Variants in DROSHA observed in about 807,000 individuals in gnomAD.
DROSHA encodes drosha ribonuclease III.
DROSHA carries 56 observed loss-of-function variants against 181.9 expected under a neutral mutation model. That is an observed-to-expected ratio of 0.31 (90% CI 0.25 to 0.38). The LOEUF (loss-of-function observed/expected upper bound fraction) is 0.38, where lower values mean the gene tolerates loss of function less well. Among genes scored for constraint, DROSHA ranks in the 10% least tolerant of loss-of-function variants. The pLI is 1.00. For missense variants in DROSHA, 1,218 were observed against 1,743.5 expected (o/e 0.70, Z 5.37); for synonymous variants, 524 against 591.2 (o/e 0.89, Z 1.65).
At chr5:31,466,647 C>T (rs1580192614) in intron 18 of DROSHA, among the ~76,000 whole-genome samples, 1 of 152,136 alleles carries the variant, frequency 6.6e-6, no homozygotes, top group Non-Finnish European at 1.5e-5. Flanking sequence ...TATACACTTT[C>T]TGATATTTGT....
chr5:31,501,818 C>T (rs1390108715), intron 11 of DROSHA, among the ~76,000 whole-genome samples: 2 of 152,172 alleles, frequency 1.3e-5, no homozygotes, highest in Admixed American at 6.5e-5. Context: ...GTGCTCCCAC[C>T]CACTCATAAT....
At chr5:31,489,946 T>C (rs1216869881) in intron 13 of DROSHA, among the ~76,000 whole-genome samples, 2 of 152,122 alleles carry the variant, frequency 1.3e-5, no homozygotes, top group Non-Finnish European at 2.9e-5. Context: ...TGACGCGATC[T>C]TGACTCACTG....
At position 31,456,722 on chromosome 5, in the gene DROSHA, C is replaced by G. The variant is rs141106788; in HGVS notation, c.2575-5082G>C. Among the ~76,000 whole-genome samples the G allele has an allele frequency of 7.3e-3, 1,112 of 152,188 alleles. 11 individuals are homozygous for G. Among genetic ancestry groups the G allele is most frequent in the Non-Finnish European group, 0.013 (879 of 67,992 alleles). ...TATCAATAAGCTCTATATATTACTA[C>G]AGAGTGATCTCCCAGACACATGGTT... On this transcript the variant is annotated intron_variant, in intron 20 of 35. Transcript: ENST00000344624.
At position 31,526,262 on chromosome 5, in the gene DROSHA, C is replaced by G; in HGVS notation, c.671G>C (p.Arg224Thr). Residue 224 changes from arginine to threonine, a missense_variant, in exon 5 of 36, where the codon AGG becomes ACG. Around this residue, in one of 8 missense-constraint regions of DROSHA, gnomAD observed 536 missense variants for 535.4 expected, o/e 1.00. Coordinates refer to ENST00000344624, the MANE Select transcript of DROSHA (RefSeq NM_001382508.1). ...KAPSERRSPE[R>T]LKHYDDHRHR... The stretch of plus-strand genomic sequence containing the variant: ...CCTGTGGTCATCATAGTGTTTCAGC[C>G]TTTCTGGGGACCTTCTCTCACTGGG... The G allele has an allele frequency of 6.2e-7, 1 of 1,613,910 alleles. No homozygotes were observed. The highest frequency in any genetic ancestry group is 8.5e-7 in the Non-Finnish European group (1 of 1,179,884).
chr5:31,463,836 T>C (rs2150024278), intron 20 of DROSHA, among the ~76,000 whole-genome samples: 1 of 152,334 alleles, frequency 6.6e-6, no homozygotes, highest in South Asian at 2.1e-4. Context: ...ATTTGAGTCA[T>C]CAGTCTAGAA....
chr5:31,503,373 C>T (rs1316073210), intron 11 of DROSHA, among the ~76,000 whole-genome samples: 1 of 152,208 alleles, frequency 6.6e-6, no homozygotes, highest in Non-Finnish European at 1.5e-5. Context: ...GGAGACCAAA[C>T]TGTCACCTGC....
intron 6 of DROSHA, among the ~76,000 whole-genome samples, chr5:31,517,269 G>A (rs756050737): frequency 1.2e-4 from 18 of 152,010 alleles, no homozygotes; most frequent in Admixed American, 5.9e-4. Flanking sequence ...CATTGTAACC[G>A]TTTCCAGTTT....
At chr5:31,529,213 C>A in intron 3 of DROSHA, 108 bp from the exon 4 acceptor site, 1 of 878,932 alleles carries the variant, frequency 1.1e-6, no homozygotes, top group Non-Finnish European at 1.7e-6. Flanking sequence ...TTCCAATACA[C>A]TTAGCCTACA....
intron 11 of DROSHA, among the ~76,000 whole-genome samples, chr5:31,498,548 T>C (rs972621514): frequency 6.6e-6 from 1 of 152,124 alleles, no homozygotes. Context: ...GAACAGTATA[T>C]GCATGGATCT....
At chr5:31,448,251 A>G (rs1310667946) in intron 23 of DROSHA, among the ~76,000 whole-genome samples, 1 of 152,228 alleles carries the variant, frequency 6.6e-6, no homozygotes, top group Non-Finnish European at 1.5e-5. Flanking sequence ...AATCACAAAG[A>G]ACTGATTTAT....
Position 31,412,550 on chromosome 5 carries a change from T to C in DROSHA, c.3526-1663A>G, listed in dbSNP as rs182654940. Among the ~76,000 whole-genome samples, 55 of 152,340 alleles carry C rather than the reference T, an allele frequency of 3.6e-4. No homozygotes were observed. In the East Asian group the frequency reaches 8.1e-3, roughly 22 times the overall value. On this transcript the variant is annotated intron_variant, in intron 30 of 35. Coordinates refer to ENST00000344624, the MANE Select transcript of DROSHA (RefSeq NM_001382508.1). ...GACAATAGATAAATAAGAAACAATA[T>C]GTTCTTAATTTGTCTGACAATGATT...
Position 31,433,848 on chromosome 5 carries a change from C to T in DROSHA, c.3042+1917G>A, listed in dbSNP as rs973262078. ...GATTACAGGCATAAGCCACCACGCC[C>T]GGTATTAGTACAACTTTTAAAAAGG... On this transcript the variant is annotated intron_variant, in intron 25 of 35. Transcript: ENST00000344624. Among the ~76,000 whole-genome samples the T allele has an allele frequency of 4.6e-5, 7 of 152,258 alleles. No individual in the cohort carries two copies. The South Asian group carries it at 8.3e-4, about 18-fold the overall frequency.
intron 11 of DROSHA, among the ~76,000 whole-genome samples, chr5:31,499,351 G>T (rs1054520801): frequency 6.6e-6 from 1 of 152,148 alleles, no homozygotes; most frequent in African/African-American, 2.4e-5. Context: ...CCAAGATGAG[G>T]CTGTTGGTAC....
At chr5:31,527,348 C>T (rs768059545) in intron 4 of DROSHA, among the ~76,000 whole-genome samples, 1 of 152,200 alleles carries the variant, frequency 6.6e-6, no homozygotes, top group Non-Finnish European at 1.5e-5. Flanking sequence ...CAATCCTCCA[C>T]CTCTCCCTGA....
chr5:31,498,686 C>T (rs1753267721), intron 11 of DROSHA, among the ~76,000 whole-genome samples: 2 of 151,906 alleles, frequency 1.3e-5, no homozygotes, highest in South Asian at 2.1e-4. Flanking sequence ...GGAGAAACCC[C>T]ATCTCTACTA....
chr5:31,431,053 C>A (rs1744114061), intron 26 of DROSHA, among the ~76,000 whole-genome samples: 1 of 152,150 alleles, frequency 6.6e-6, no homozygotes, highest in Non-Finnish European at 1.5e-5. Flanking sequence ...AAGTAAAGTG[C>A]CTGAGTGAGG....
intron 26 of DROSHA, among the ~76,000 whole-genome samples, chr5:31,431,007 AAT>A (rs1422478942): frequency 2.0e-5 from 3 of 152,192 alleles, no homozygotes; most frequent in Non-Finnish European, 4.4e-5. Flanking sequence ...ACCAATGGCT[AAT>A]TGTATTCTGG....
chr5:31,480,249 A>G (rs1391890941), intron 16 of DROSHA, among the ~76,000 whole-genome samples: 1 of 144,022 alleles, frequency 6.9e-6, no homozygotes, highest in Non-Finnish European at 1.5e-5. Context: ...GGTTTATTTT[A>G]ATTTAGTCAT....
At chr5:31,403,217 A>T (rs1173263516) in intron 35 of DROSHA, among the ~76,000 whole-genome samples, 1 of 152,234 alleles carries the variant, frequency 6.6e-6, no homozygotes, top group Non-Finnish European at 1.5e-5. Flanking sequence ...AACAAACCCC[A>T]CTAAGCTGTA....
Sources: allele counts gnomAD v4.1 joint callset (sites outside exome capture counted in the v4.1 genomes callset), GRCh38; gene constraint gnomAD v4.1.1; regional missense constraint gnomAD v4.1.1; transcripts MANE v1.5; gene names NCBI Gene and HGNC (gene_info 2026-07-23, HGNC 2026-07-21).